Variants in ZNF407 observed in about 807,000 individuals in gnomAD.
ZNF407 encodes the protein zinc finger protein 407.
ZNF407 carries 17 observed loss-of-function variants against 131.2 expected under a neutral mutation model. The ratio of observed to expected loss-of-function variants is 0.13; its 90% confidence interval spans 0.09 to 0.19. The LOEUF (loss-of-function observed/expected upper bound fraction) is 0.19, where lower values mean the gene tolerates loss of function less well. Among genes scored for constraint, ZNF407 ranks in the 10% least tolerant of loss-of-function variants. The probability of loss-of-function intolerance (pLI) is 1.00; values close to 1 mark genes in which losing one functional copy is unlikely to be tolerated. For missense variants in ZNF407, 2,681 were observed against 2,830.6 expected (o/e 0.95, Z 1.20); for synonymous variants, 1,156 against 1,062.0 (o/e 1.09, Z -1.72).
chr18:75,063,296 C>T lies in ZNF407; in HGVS notation c.5575C>T (p.Pro1859Ser), dbSNP rs867014418. ...PLRSSRRPAP[P>S]PEQVQQVIIF... ...CAGAAGCAGCAGGAGGCCAGCGCCG[C>T]CCCCTGAGCAGGTGCAGCAGGTCAT... Residue 1859 changes from proline to serine, a missense_variant, in exon 9 of 9, where the codon CCC becomes TCC. Around this residue, in one of 6 missense-constraint regions of ZNF407, gnomAD observed 620 missense variants for 583.1 expected, o/e 1.06. Coordinates refer to ENST00000299687, the MANE Select transcript of ZNF407 (RefSeq NM_017757.3). The surrounding 1 kb of genome is among the most constrained non-coding windows in gnomAD (Gnocchi z 6.6). The T allele has an allele frequency of 8.1e-6, 13 of 1,613,698 alleles. No homozygotes were observed. The Middle Eastern group carries it at 6.6e-4, about 82-fold the overall frequency.
chr18:74,938,798 C>A (rs1972066818), intron 8 of ZNF407, among the ~76,000 whole-genome samples: 1 of 152,214 alleles, frequency 6.6e-6, no homozygotes, highest in African/African-American at 2.4e-5. Context: ...GAAGGACCAT[C>A]AGGATAGTGG....
At chr18:75,029,575 G>A (rs1973214186) in intron 8 of ZNF407, among the ~76,000 whole-genome samples, 1 of 151,968 alleles carries the variant, frequency 6.6e-6, no homozygotes, top group African/African-American at 2.4e-5. Context: ...CGGAGTGTGT[G>A]TGCGTGCGTG....
chr18:74,649,896 G>C (rs544800436), intron 3 of ZNF407, among the ~76,000 whole-genome samples: 2 of 152,170 alleles, frequency 1.3e-5, no homozygotes, highest in African/African-American at 2.4e-5. Context: ...AGTGCCAAAC[G>C]TGGGAACTCT....
intron 3 of ZNF407, among the ~76,000 whole-genome samples, chr18:74,673,432 C>T (rs564467541): frequency 6.6e-6 from 1 of 152,326 alleles, no homozygotes; most frequent in African/African-American, 2.4e-5. Flanking sequence ...TGTGACCCTA[C>T]TCTTCCCTCT....
At chr18:74,613,707 G>A (rs73973922) in intron 1 of ZNF407, among the ~76,000 whole-genome samples, 1 of 152,142 alleles carries the variant, frequency 6.6e-6, no homozygotes, top group Non-Finnish European at 1.5e-5. Flanking sequence ...GCTAAATTTA[G>A]CAAATCCAAA....
intron 3 of ZNF407, among the ~76,000 whole-genome samples, chr18:74,780,099 C>A (rs930790988): frequency 6.6e-6 from 1 of 151,222 alleles, no homozygotes; most frequent in Non-Finnish European, 1.5e-5. Context: ...GATGTTGGTA[C>A]CAGTTGTTTA....
intron 1 of ZNF407, among the ~76,000 whole-genome samples, chr18:74,616,668 T>C (rs1983300842): frequency 6.6e-6 from 1 of 151,712 alleles, no homozygotes; most frequent in African/African-American, 2.4e-5. Context: ...TCATCCTGAG[T>C]CATCTGTTGC....
chr18:74,627,830 TGCCCC>T (rs1983861226), intron 1 of ZNF407, among the ~76,000 whole-genome samples: 6 of 131,644 alleles, frequency 4.6e-5, no homozygotes, highest in African/African-American at 8.5e-5. Flanking sequence ...TGCCCTGCCC[TGCCCC>T]GCCCCACCCC....
intron 7 of ZNF407, among the ~76,000 whole-genome samples, chr18:74,907,461 G>A (rs1393722843): frequency 1.3e-5 from 2 of 152,098 alleles, no homozygotes; most frequent in South Asian, 2.1e-4. Context: ...GAGGTTGAGT[G>A]GTCCTGTGAC....
At chr18:75,005,465 T>C (rs1378277716) in intron 8 of ZNF407, among the ~76,000 whole-genome samples, 1 of 152,148 alleles carries the variant, frequency 6.6e-6, no homozygotes, top group Non-Finnish European at 1.5e-5. Context: ...GTTTTAGGGT[T>C]ATTTCTTGAG....
rs191035469 is a variant in ZNF407 at position 74,989,830 on chromosome 18, G to A, written c.5428+69138G>A. 1.9e-3 allele frequency among the ~76,000 whole-genome samples: 268 copies of A among 143,726 alleles called. 1 individual carries two copies. The highest frequency in any genetic ancestry group is 5.9e-3 in the African/African-American group (227 of 38,164). 94.3% of individuals were successfully genotyped at this position (143,726 alleles called of 152,430 possible). ...TGTACTCCAGCCTGGGCGACAGAGC[G>A]AAACTCTGTCTCAAAAAAAAAAAAA... On this transcript the variant is annotated intron_variant, in intron 8 of 8. Coordinates refer to ENST00000299687, the MANE Select transcript of ZNF407 (RefSeq NM_017757.3).
At chr18:74,702,293 C>G (rs1286457327) in intron 3 of ZNF407, among the ~76,000 whole-genome samples, 3 of 152,028 alleles carry the variant, frequency 2.0e-5, no homozygotes, top group Admixed American at 6.6e-5. Flanking sequence ...GTCAGTTTTT[C>G]CAATCAAGTA....
rs193249474 is a variant in ZNF407, at chr18:74,666,149, G to A, written c.4802+25027G>A. Among the ~76,000 whole-genome samples the A allele has an allele frequency of 6.4e-3, 978 of 152,280 alleles. 3 individuals carry two copies. The highest frequency in any genetic ancestry group is 9.4e-3 in the Non-Finnish European group (638 of 68,024). ...TGTGTGCACGCCCCGCAGAAGCATAGGTTGGAGGGTGAGGGCGCTCTGTGT... is the reference window on the plus strand; with the variant it reads ...TGTGTGCACGCCCCGCAGAAGCATAAGTTGGAGGGTGAGGGCGCTCTGTGT... On this transcript the variant is annotated intron_variant, in intron 3 of 8. Coordinates refer to ENST00000299687, the MANE Select transcript of ZNF407 (RefSeq NM_017757.3).
chr18:74,876,537 G>A (rs192115730), intron 4 of ZNF407, among the ~76,000 whole-genome samples: 2 of 152,068 alleles, frequency 1.3e-5, no homozygotes, highest in Non-Finnish European at 2.9e-5. Context: ...ATATTATATT[G>A]TATAAGTACT....
In ZNF407 at chr18:74,633,412, A is replaced by G; in HGVS notation, c.2393A>G (p.Glu798Gly). ...EFDVSGNGRI[E>G]GHIGVQLQEH... ...GATGTTTCCGGAAATGGAAGGATTGAAGGCCATATAGGTGTGCAATTACAA... is the reference window on the plus strand; with the variant it reads ...GATGTTTCCGGAAATGGAAGGATTGGAGGCCATATAGGTGTGCAATTACAA... Residue 798 changes from glutamate (E) to glycine (G), a missense_variant, in exon 2 of 9, where the codon GAA (glutamate) becomes GGA (glycine). Glu to Gly is a moderately conservative substitution (Grantham distance 98, BLOSUM62 -2). This residue lies in a region of ZNF407 where 1,789 missense variants were observed against 1,748.7 expected (regional missense o/e 1.02). Coordinates refer to ENST00000299687, the MANE Select transcript of ZNF407 (RefSeq NM_017757.3). 1.2e-6 allele frequency: 2 copies of G among 1,614,048 alleles called. No individual in the cohort carries two copies. Among genetic ancestry groups the G allele is most frequent in the Non-Finnish European group, 1.7e-6 (2 of 1,179,910 alleles).
At chr18:74,753,118 C>T (rs1270098217) in intron 3 of ZNF407, among the ~76,000 whole-genome samples, 1 of 152,072 alleles carries the variant, frequency 6.6e-6, no homozygotes, top group African/African-American at 2.4e-5. Context: ...TTCCTACATT[C>T]CTAGGTATTT....
At chr18:74,938,247 C>A (rs1032294337) in intron 8 of ZNF407, among the ~76,000 whole-genome samples, 4 of 152,188 alleles carry the variant, frequency 2.6e-5, no homozygotes, top group Non-Finnish European at 5.9e-5. Flanking sequence ...TTATCCCCAG[C>A]ATCATGCTCT....
chr18:74,659,239 T>C (rs1228055327), intron 3 of ZNF407, among the ~76,000 whole-genome samples: 1 of 152,192 alleles, frequency 6.6e-6, no homozygotes, highest in Non-Finnish European at 1.5e-5. Context: ...AATTCTTTTG[T>C]GTTTGATGAG....
At chr18:74,965,403 G>C (rs1199383342) in intron 8 of ZNF407, among the ~76,000 whole-genome samples, 3 of 151,956 alleles carry the variant, frequency 2.0e-5, no homozygotes, top group Non-Finnish European at 4.4e-5. Context: ...GAGAACATGT[G>C]ATGTTCTCAT....
Sources: allele counts gnomAD v4.1 joint callset (sites outside exome capture counted in the v4.1 genomes callset), GRCh38; gene constraint gnomAD v4.1.1; regional missense constraint gnomAD v4.1.1; non-coding constraint Gnocchi (gnomAD v3.1); transcripts MANE v1.5; gene names NCBI Gene and HGNC (gene_info 2026-07-23, HGNC 2026-07-21).